Variants in POLR3GL observed in about 807,000 individuals in gnomAD.
POLR3GL encodes the protein RNA polymerase III subunit GL, also known as DNA-directed RNA polymerase III subunit RPC7-like.
Under a neutral mutation model 32.4 loss-of-function variants are expected in POLR3GL, and 26 were observed. That is an observed-to-expected ratio of 0.80 (90% CI 0.59 to 1.11). POLR3GL has a LOEUF of 1.11. Ranked by LOEUF, POLR3GL falls within the 50% of genes most tolerant of loss-of-function variation. The probability of loss-of-function intolerance (pLI) is 0.00; values close to 1 mark genes in which losing one functional copy is unlikely to be tolerated. For missense variants in POLR3GL, 229 were observed against 280.1 expected (o/e 0.82, Z 1.30); for synonymous variants, 95 against 98.7 (o/e 0.96, Z 0.22).
At chr1:145,976,453 C>T (rs1193646805) in intron 3 of POLR3GL, among the ~76,000 whole-genome samples, 9 of 149,328 alleles carry the variant, frequency 6.0e-5, no homozygotes, top group Non-Finnish European at 1.2e-4. Flanking sequence ...GTGGCAGATG[C>T]CTCTAATCCC....
chr1:145,977,262 A>G (rs1650600905), intron 4 of POLR3GL, 110 bp downstream of exon 4: 1 of 1,011,548 alleles, frequency 9.9e-7, no homozygotes, highest in East Asian at 2.4e-5. Context: ...CAGCATCTGC[A>G]AGCTAGAGCC....
intron 5 of POLR3GL, 59 bp downstream of exon 5, chr1:145,977,598 C>A (rs113850145): frequency 4.4e-5 from 66 of 1,493,228 alleles, no homozygotes; most frequent in Non-Finnish European, 5.7e-5. Flanking sequence ...GCCTGAGGGC[C>A]GAGGCTGCTG....
intron 1 of POLR3GL, among the ~76,000 whole-genome samples, chr1:145,970,134 T>C (rs1211576655): frequency 6.6e-6 from 1 of 152,104 alleles, no homozygotes; most frequent in Non-Finnish European, 1.5e-5. Context: ...GAATTTTGAA[T>C]TGCTACTTGA....
At chr1:145,974,271 C>T (rs141417414) in intron 1 of POLR3GL, among the ~76,000 whole-genome samples, 79 of 152,308 alleles carry the variant, frequency 5.2e-4, no homozygotes, top group East Asian at 1.5e-3. Context: ...ATAAATGTTT[C>T]GCCGAATGCA....
At chr1:145,969,325 C>T (rs753432863) in intron 1 of POLR3GL, among the ~76,000 whole-genome samples, 19 of 151,912 alleles carry the variant, frequency 1.3e-4, no homozygotes, top group Admixed American at 5.9e-4. Flanking sequence ...AGTGCAGTGG[C>T]GCCATCTCGG....
At chr1:145,970,559 A>T (rs935000070) in intron 1 of POLR3GL, among the ~76,000 whole-genome samples, 6 of 152,060 alleles carry the variant, frequency 3.9e-5, no homozygotes, top group Non-Finnish European at 5.9e-5. Flanking sequence ...CATTTGTCCC[A>T]GTGCACAGTT....
chr1:145,966,141 A>AG (rs1416014450), intron 1 of POLR3GL, among the ~76,000 whole-genome samples: 26 of 148,256 alleles, frequency 1.8e-4, no homozygotes, highest in Admixed American at 2.0e-4. Flanking sequence ...AAAAAAAAAA[A>AG]GGAAATCTGT....
At chr1:145,969,933 A>C (rs587756902) in intron 1 of POLR3GL, among the ~76,000 whole-genome samples, 1 of 151,662 alleles carries the variant, frequency 6.6e-6, no homozygotes, top group East Asian at 1.9e-4. Flanking sequence ...AAAAAAAAAA[A>C]AAAAAGATAC....
intron 1 of POLR3GL, among the ~76,000 whole-genome samples, chr1:145,965,278 A>T (rs1649967560): frequency 1.3e-5 from 2 of 152,254 alleles, no homozygotes; most frequent in Admixed American, 1.3e-4. Flanking sequence ...AATAAACGTT[A>T]GTTAAATAGA....
chr1:145,976,768 C>T (rs1553763453), intron 3 of POLR3GL, among the ~76,000 whole-genome samples: 1 of 151,614 alleles, frequency 6.6e-6, no homozygotes, highest in African/African-American at 2.4e-5. Flanking sequence ...CAAAAATTAG[C>T]TAGGCGTGGT....
intron 3 of POLR3GL, 122 bp from the exon 4 acceptor site, chr1:145,976,962 C>T: frequency 1.3e-6 from 1 of 780,730 alleles, no homozygotes; most frequent in South Asian, 1.4e-5. Flanking sequence ...AGCTGACCCC[C>T]TGGGCTCTGG....
At position 145,974,960 on chromosome 1, in the gene POLR3GL, C is replaced by T. The variant is rs1650483482; in HGVS notation, c.95C>T (p.Pro32Leu). 6.6e-7 allele frequency: 1 copy of T among 1,520,372 alleles called. No homozygotes were observed. The highest frequency in any genetic ancestry group is 8.8e-7 in the Non-Finnish European group (1 of 1,139,176). 94.2% of individuals were successfully genotyped at this position (1,520,372 alleles called of 1,614,324 possible). A position where few individuals can be genotyped will look rare whatever the true frequency, so the allele number is the denominator to read the frequency against. Residue 32 changes from proline to leucine, a missense_variant, in exon 2 of 8, where the codon CCA becomes CTA. By Grantham distance (98) the Pro-to-Leu change is moderately conservative. Transcript: ENST00000369314. ...VGIGKGDALP[P>L]PTLQPSPLFP... is the part of the protein sequence containing the mutation. ...ATTGGGAAAGGGGATGCTTTGCCCC[C>T]ACCCACCCTGCAGCCTTCTCCACTC...
Position 145,978,786 on chromosome 1 carries a change from G to T in POLR3GL, c.*339G>T. The T allele has an allele frequency of 4.3e-6, 1 of 232,922 alleles. No individual in the cohort carries two copies. Among genetic ancestry groups the T allele is most frequent in the Non-Finnish European group, 8.4e-6 (1 of 119,684 alleles). The allele number at this position is 232,922 out of a possible 1,614,324, so 14.4% of individuals were successfully genotyped here. On this transcript the variant is annotated 3_prime_UTR_variant, in exon 8 of 8. Transcript: ENST00000369314. The stretch of plus-strand genomic sequence containing the variant: ...TAGCTCTTTGTGGAGATAATTAGGG[G>T]TGGGAGCAGTTTGAAGGAGTAAGCC...
intron 1 of POLR3GL, among the ~76,000 whole-genome samples, chr1:145,972,986 G>A (rs1465314179): frequency 4.6e-5 from 7 of 152,018 alleles, no homozygotes; most frequent in African/African-American, 1.5e-4. Flanking sequence ...GCAATGAGCC[G>A]CTGCACCCAG....
chr1:145,971,141 G>A (rs1478519823), intron 1 of POLR3GL, among the ~76,000 whole-genome samples: 1 of 130,778 alleles, frequency 7.6e-6, no homozygotes, highest in Admixed American at 9.0e-5. Flanking sequence ...AGCCGAGATC[G>A]CGCCATTGCA....
chr1:145,967,311 A>G (rs1246762817), intron 1 of POLR3GL, among the ~76,000 whole-genome samples: 1 of 152,034 alleles, frequency 6.6e-6, no homozygotes, highest in Non-Finnish European at 1.5e-5. Context: ...AGTAGCTGGA[A>G]TTAAAGGTGT....
intron 1 of POLR3GL, among the ~76,000 whole-genome samples, chr1:145,973,399 A>G (rs1398506211): frequency 6.6e-6 from 1 of 152,116 alleles, no homozygotes; most frequent in Non-Finnish European, 1.5e-5. Flanking sequence ...GGGAAATGCC[A>G]CCAAAAGCTG....
At chr1:145,965,855 C>G (rs1183343260) in intron 1 of POLR3GL, among the ~76,000 whole-genome samples, 1 of 152,148 alleles carries the variant, frequency 6.6e-6, no homozygotes, top group African/African-American at 2.4e-5. Context: ...GTGGCTCATG[C>G]CTGTAATCCC....
chr1:145,977,636 A>C, intron 5 of POLR3GL, 97 bp downstream of exon 5: 1 of 1,337,922 alleles, frequency 7.5e-7, no homozygotes, highest in Non-Finnish European at 1.1e-6. Context: ...CCCAGTTCCT[A>C]TACCCAATCT....
Sources: allele counts gnomAD v4.1 joint callset (sites outside exome capture counted in the v4.1 genomes callset), GRCh38; gene constraint gnomAD v4.1.1; transcripts MANE v1.5; gene names NCBI Gene and HGNC (gene_info 2026-07-23, HGNC 2026-07-21).